The following SAGE1 variants were observed in gnomAD, a reference collection of about 807,000 sequenced individuals.
The protein encoded by SAGE1 is sarcoma antigen 1.
Under a neutral mutation model 55.4 loss-of-function variants are expected in SAGE1, and 55 were observed. The observed-to-expected ratio is 0.99, with a 90% CI of 0.80 to 1.24. The LOEUF (loss-of-function observed/expected upper bound fraction) is 1.24, where lower values mean the gene tolerates loss of function less well. Ranked by LOEUF, SAGE1 falls within the 50% of genes most tolerant of loss-of-function variation. The pLI is 0.00. For missense variants in SAGE1, 710 were observed against 704.4 expected (o/e 1.01, Z -0.09); for synonymous variants, 240 against 244.3 (o/e 0.98, Z 0.17).
chrX:135,912,082 C>T (rs1426067903), intron 18 of SAGE1, 129 bp downstream of exon 18: 2 of 1,107,195 alleles, frequency 1.8e-6, no homozygotes, highest in Non-Finnish European at 2.4e-6. Flanking sequence ...TTTAGCATGG[C>T]TTTACTTTAA....
Position 135,912,372 on chromosome X carries a change from TCAAGAGACAATTTG to T in SAGE1, c.2574_2587del (p.Lys859Ter). On this transcript the variant is annotated frameshift_variant, in exon 19 of 20. Transcript: ENST00000370709. LOFTEE classifies it low-confidence loss of function (END_TRUNC). ...GAAGAGGTACAAGGATCTATGAAAG[TCAAGAGACAATTTG>T]TTGAATTTACCATCAAGGAAGCAGC... 8.3e-7 allele frequency: 1 copy of T among 1,206,001 alleles called. No homozygotes were observed. Among genetic ancestry groups the T allele is most frequent in the Non-Finnish European group, 1.1e-6 (1 of 893,493 alleles).
Position 135,905,369 on chromosome X carries a change from C to T in SAGE1, c.431C>T (p.Pro144Leu). Residue 144 changes from proline to leucine, a missense_variant, in exon 5 of 20, where the codon CCA becomes CTA. By Grantham distance (98) the Pro-to-Leu change is moderately conservative (BLOSUM62 -3). Coordinates refer to ENST00000370709, the MANE Select transcript of SAGE1 (RefSeq NM_001381902.1). ...GTTCATATGGCTGCAGCTGGTATTCCATCCATGAGTACCAGGGATCTGCGT... is the reference window on the plus strand; with the variant it reads ...GTTCATATGGCTGCAGCTGGTATTCTATCCATGAGTACCAGGGATCTGCGT... ...QLVHMAAAGI[P>L]SMSTRDLHST... 8.3e-7 allele frequency: 1 copy of T among 1,207,131 alleles called. No homozygotes were observed. The highest frequency in any genetic ancestry group is 1.8e-5 in the South Asian group (1 of 56,437).
At chrX:135,911,105 C>G in intron 16 of SAGE1, 87 bp from the exon 17 acceptor site, 1 of 1,022,829 alleles carries the variant, frequency 9.8e-7, no homozygotes. Flanking sequence ...GGGATAACGT[C>G]CTGGAAACTG....
Position 135,906,151 on chromosome X carries a change from T to A in SAGE1, c.582T>A (p.Ser194Arg). 8.3e-7 allele frequency: 1 copy of A among 1,205,577 alleles called. No individual in the cohort carries two copies. The highest frequency in any genetic ancestry group is 1.1e-6 in the Non-Finnish European group (1 of 892,437). The part of the protein sequence containing the change: ...NMAATPIPAM[S>R]ARDLYATVTH... The stretch of plus-strand genomic sequence containing the variant: ...CAGCAACTCCTATTCCAGCCATGAG[T>A]GCCAGAGATCTCTGTATGTCCACTT... Residue 194 changes from serine to arginine, a missense_variant, in exon 6 of 20, where the codon AGT becomes AGA. Transcript: ENST00000370709.
intron 14 of SAGE1, 73 bp downstream of exon 14, chrX:135,909,852 G>T: frequency 9.5e-7 from 1 of 1,050,383 alleles, no homozygotes; most frequent in Non-Finnish European, 1.3e-6. Context: ...AATAGGAGAA[G>T]GTGGTTTTGT....
Position 135,906,011 on chromosome X carries a change from A to G in SAGE1, c.455-13A>G. ...ACTTACCTCACAGCTTGAACTCTTC[A>G]TTTGGTTTCCAGATTCTACCGTCAC... On this transcript the variant is annotated splice_polypyrimidine_tract_variant and intron_variant, in intron 5 of 19. Coordinates refer to ENST00000370709, the MANE Select transcript of SAGE1 (RefSeq NM_001381902.1). 2.5e-6 allele frequency: 3 copies of G among 1,195,126 alleles called. No homozygotes were observed. Among genetic ancestry groups the G allele is most frequent in the Non-Finnish European group, 2.3e-6 (2 of 886,498 alleles).
intron 2 of SAGE1, among the ~76,000 whole-genome samples, chrX:135,898,113 G>C (rs192354089): frequency 9.0e-6 from 1 of 111,585 alleles, no homozygotes; most frequent in African/African-American, 3.3e-5. Context: ...CGCCTCCCGG[G>C]CTCATGCCAT....
intron 2 of SAGE1, among the ~76,000 whole-genome samples, chrX:135,899,130 C>G (rs1250045686): frequency 1.8e-5 from 2 of 110,460 alleles, no homozygotes; most frequent in African/African-American, 6.6e-5. Flanking sequence ...GTTTTGTGTT[C>G]TACATTTAAG....
intron 4 of SAGE1, 28 bp from the exon 5 acceptor site, chrX:135,905,224 C>A (rs1556599675): frequency 8.4e-7 from 1 of 1,196,468 alleles, no homozygotes. Flanking sequence ...ACATACCTCA[C>A]AACTCAACCT....
At chrX:135,912,682 G>C in intron 19 of SAGE1, 116 bp from the exon 20 acceptor site, 1 of 1,113,186 alleles carries the variant, frequency 9.0e-7, no homozygotes, top group Non-Finnish European at 1.2e-6. Flanking sequence ...TTTCAATGAG[G>C]ATGCATTTTC....
chrX:135,893,763 C>G lies in SAGE1; in HGVS notation c.-19C>G, dbSNP rs370104512. ...GAGGCAGAGGAACACAGAACCTTCT[C>G]ACACAGCGGGATAAAAGGGTGAATT... On this transcript the variant is annotated 5_prime_UTR_variant, in exon 1 of 20. Coordinates refer to ENST00000370709, the MANE Select transcript of SAGE1 (RefSeq NM_001381902.1). 5.4e-5 allele frequency among the ~76,000 whole-genome samples: 6 copies of G among 112,146 alleles called. No individual in the cohort carries two copies. The South Asian group carries it at 2.2e-3, about 42-fold the overall frequency.
At chrX:135,903,929 T>C (rs1408140553) in intron 3 of SAGE1, among the ~76,000 whole-genome samples, 1 of 112,455 alleles carries the variant, frequency 8.9e-6, no homozygotes, top group African/African-American at 3.2e-5. Context: ...ACCTGATCTC[T>C]GTCACAAGAT....
intron 2 of SAGE1, among the ~76,000 whole-genome samples, chrX:135,897,045 C>T (rs2088597173): frequency 9.0e-6 from 1 of 111,393 alleles, no homozygotes; most frequent in African/African-American, 3.3e-5. Context: ...ATATTCTTTC[C>T]CACTCCCCAC....
Position 135,907,415 on chromosome X carries a change from C to T in SAGE1, c.980C>T (p.Thr327Ile). Residue 327 changes from threonine (T) to isoleucine (I), a missense_variant, in exon 9 of 20, where the codon ACA becomes ATA. Transcript: ENST00000370709. The part of the protein sequence containing the change: ...STVQPVIIYL[T>I]ATGIPGMNTR... ...GTTCAACCAGTGATTATTTATTTGA[C>T]AGCAACTGGTATTCCGGGCATGAAT... 8.3e-7 allele frequency: 1 copy of T among 1,207,807 alleles called. No homozygotes were observed. The highest frequency in any genetic ancestry group is 1.8e-5 in the South Asian group (1 of 56,656).
chrX:135,901,394 G>A (rs1181942435), intron 2 of SAGE1, among the ~76,000 whole-genome samples, 165 bp from the exon 3 acceptor site: 1 of 111,360 alleles, frequency 9.0e-6, no homozygotes, highest in Non-Finnish European at 1.9e-5. Context: ...AAATTAGCTT[G>A]CCTTTTCTGA....
chrX:135,898,041 G>A (rs1556594688), intron 2 of SAGE1, among the ~76,000 whole-genome samples: 2 of 110,785 alleles, frequency 1.8e-5, no homozygotes, highest in African/African-American at 3.3e-5. Context: ...TTTTTGAGAC[G>A]GAGTCACGCT....
intron 2 of SAGE1, among the ~76,000 whole-genome samples, chrX:135,898,027 C>CT (rs781801023): frequency 1.8e-5 from 2 of 110,491 alleles, no homozygotes; most frequent in South Asian, 3.8e-4. Context: ...TATTTTTTTT[C>CT]TTTTTTTTGA....
chrX:135,907,182 C>T, intron 8 of SAGE1, 116 bp downstream of exon 8: 3 of 1,036,267 alleles, frequency 2.9e-6, no homozygotes, highest in South Asian at 4.4e-5. Flanking sequence ...TTTGAGGGGT[C>T]TCAGATCACC....
intron 2 of SAGE1, among the ~76,000 whole-genome samples, chrX:135,898,313 C>G (rs1293615952): frequency 1.8e-5 from 2 of 112,238 alleles, no homozygotes; most frequent in African/African-American, 6.5e-5. Flanking sequence ...GCCACCGCAC[C>G]CGGCCGATCT....
Sources: allele counts gnomAD v4.1 joint callset (sites outside exome capture counted in the v4.1 genomes callset), GRCh38; gene constraint gnomAD v4.1.1; transcripts MANE v1.5; gene names NCBI Gene and HGNC (gene_info 2026-07-23, HGNC 2026-07-21).